Variants in WDR13 observed in about 807,000 individuals in gnomAD.
The protein encoded by WDR13 is WD repeat-containing protein 13.
WDR13 carries 1 observed loss-of-function variant against 28.6 expected under a neutral mutation model. The observed-to-expected ratio is 0.03, with a 90% CI of 0.01 to 0.17. WDR13 has a LOEUF of 0.17. WDR13 is among the 10% of genes least tolerant of loss of function. The pLI is 1.00. For missense variants in WDR13, 264 were observed against 469.3 expected (o/e 0.56, Z 4.04); for synonymous variants, 201 against 185.9 (o/e 1.08, Z -0.66).
chrX:48,599,803 C>T, intron 5 of WDR13, 86 bp downstream of exon 5: 1 of 1,142,883 alleles, frequency 8.7e-7, no homozygotes. Flanking sequence ...GAATCCAAGG[C>T]CCCTGGCACA....
In WDR13 at chrX:48,597,924, C is replaced by T. The variant is rs782413205; in HGVS notation, c.-39-34C>T. 6 of 1,148,087 alleles carry T rather than the reference C, an allele frequency of 5.2e-6. No individual in the cohort carries two copies. In the East Asian group the frequency reaches 1.0e-4, roughly 19 times the overall value. 94.6% of individuals were successfully genotyped at this position (1,148,087 alleles called of 1,213,427 possible). On this transcript the variant is annotated intron_variant, in intron 1 of 9. Coordinates refer to ENST00000376729, the MANE Select transcript of WDR13 (RefSeq NM_001347217.2). ...AGGGACGGAACTAGATCCCTTCGCT[C>T]GGGACGCTCACATTCCAGGCCCTTG...
At chrX:48,599,914 AAG>A (rs2062172225) in intron 5 of WDR13, 197 bp downstream of exon 5, 2 of 568,899 alleles carry the variant, frequency 3.5e-6, no homozygotes, top group East Asian at 3.7e-5. Context: ...TCAGAAGCCT[AAG>A]AGAGAGCCCT....
In WDR13 at chrX:48,597,539, G is replaced by A. The variant is rs1274425927; in HGVS notation, c.-115G>A. On this transcript the variant is annotated 5_prime_UTR_variant, in exon 1 of 10. Coordinates refer to ENST00000376729, the MANE Select transcript of WDR13 (RefSeq NM_001347217.2). ...CTTGCCTGGAGCCTGAGAAAGGGAG[G>A]AGAGACAGAAGGAACCGGCGACAGT... 5 of 123,023 alleles carry A rather than the reference G, an allele frequency of 4.1e-5. No homozygotes were observed. The highest frequency in any genetic ancestry group is 1.6e-4 in the African/African-American group (5 of 31,096). The allele number at this position is 123,023 out of a possible 1,213,427, so 10.1% of individuals were successfully genotyped here.
chrX:48,599,517 C>T, intron 4 of WDR13, 55 bp downstream of exon 4: 1 of 1,207,353 alleles, frequency 8.3e-7, no homozygotes, highest in South Asian at 1.8e-5. Context: ...GAGAGGGGCC[C>T]TGGGGCAATG....
intron 5 of WDR13, 146 bp downstream of exon 5, chrX:48,599,863 C>T: frequency 1.1e-6 from 1 of 909,790 alleles, no homozygotes; most frequent in East Asian, 3.3e-5. Context: ...ACTGAAAATC[C>T]CTCTGCAAAG....
At position 48,607,428 on chromosome X, in the gene WDR13, CA is replaced by C; in HGVS notation, c.*2397del. On this transcript the variant is annotated 3_prime_UTR_variant, in exon 10 of 10. Coordinates refer to ENST00000376729, the MANE Select transcript of WDR13 (RefSeq NM_001347217.2). The stretch of plus-strand genomic sequence containing the variant: ...TGACGCCCAGGCTGGAATGCAGTGG[CA>C]TGATCTTGGCTCACTGCAGCCTCCA... 2.4e-5 allele frequency: 2 copies of C among 83,329 alleles called. No homozygotes were observed. Among genetic ancestry groups the C allele is most frequent in the African/African-American group, 9.0e-5 (2 of 22,181 alleles). 6.9% of individuals were successfully genotyped at this position (83,329 alleles called of 1,213,427 possible). A position where few individuals can be genotyped will look rare whatever the true frequency, so the allele number is the denominator to read the frequency against.
rs377656804 is a variant in WDR13, at chrX:48,599,665, C to T, written c.471C>T (p.Asn157=). Residue 157 remains asparagine (N), a synonymous_variant, in exon 5 of 10, where the codon AAC becomes AAT. Transcript: ENST00000376729. ...AMAGDTSLSE[N]YAFAGMYHVF... is the part of the protein sequence containing the mutation. Reference sequence around the variant, plus strand: ...CCGGGGACACGTCACTGAGCGAGAACTATGCCTTTGCGGGCATGTATCATG... The same window carrying T: ...CCGGGGACACGTCACTGAGCGAGAATTATGCCTTTGCGGGCATGTATCATG... 68 of 1,211,820 alleles carry T rather than the reference C, an allele frequency of 5.6e-5. No individual in the cohort carries two copies. The highest frequency in any genetic ancestry group is 7.5e-5 in the Non-Finnish European group (67 of 895,595).
In WDR13 at chrX:48,601,043, C is replaced by G. The variant is rs141738766; in HGVS notation, c.831+417C>G. 9.5e-3 allele frequency among the ~76,000 whole-genome samples: 1,051 copies of G among 111,019 alleles called. 5 individuals carry two copies. The highest frequency in any genetic ancestry group is 0.015 in the Non-Finnish European group (811 of 52,799). On this transcript the variant is annotated intron_variant, in intron 6 of 9. Transcript: ENST00000376729. ...CTGGGAGGTGGAGCTTGCAGTGAGC[C>G]GAGATGGCACCACTGGGCGACAGAG...
rs374486465 is a variant in WDR13, at chrX:48,605,081, G to A, written c.*49G>A. Reference sequence around the variant, plus strand: ...CCTCCATCCCACCCCTCTTACTCCAGCCTCGTGTTGTAAATAAAGTTTCGG... The same window carrying A: ...CCTCCATCCCACCCCTCTTACTCCAACCTCGTGTTGTAAATAAAGTTTCGG... On this transcript the variant is annotated 3_prime_UTR_variant, in exon 10 of 10. Transcript: ENST00000376729. 2.6e-6 allele frequency: 3 copies of A among 1,152,618 alleles called. No individual in the cohort carries two copies. The highest frequency in any genetic ancestry group is 1.8e-5 in the African/African-American group (1 of 55,811). The allele number at this position is 1,152,618 out of a possible 1,213,427, so 95.0% of individuals were successfully genotyped here.
Position 48,605,499 on chromosome X carries a change from C to T in WDR13, c.*467C>T, listed in dbSNP as rs1263576997. 1.7e-5 allele frequency: 2 copies of T among 116,238 alleles called. No homozygotes were observed. The highest frequency in any genetic ancestry group is 5.2e-4 in the East Asian group (2 of 3,851). 9.6% of individuals were successfully genotyped at this position (116,238 alleles called of 1,213,427 possible). A position where few individuals can be genotyped will look rare whatever the true frequency, so the allele number is the denominator to read the frequency against. On this transcript the variant is annotated 3_prime_UTR_variant, in exon 10 of 10. Transcript: ENST00000376729. ...AAGAAAATAAAGCAAGGATGGGAGA[C>T]AGAGCTGCAGAAGTTGGGGGAGTGG...
intron 6 of WDR13, 90 bp downstream of exon 6, chrX:48,600,716 A>AG (rs370013333): frequency 1.2e-5 from 13 of 1,055,699 alleles, no homozygotes; most frequent in Admixed American, 5.4e-5. Context: ...AGGGACAGCC[A>AG]GGGGGGGCCT....
intron 6 of WDR13, 142 bp downstream of exon 6, chrX:48,600,768 T>C (rs2062179625): frequency 1.5e-6 from 1 of 687,963 alleles, no homozygotes; most frequent in Non-Finnish European, 2.0e-6. Flanking sequence ...AGAGCAGTCC[T>C]AGTGTGGTCA....
chrX:48,603,690 G>A (rs1298413702), intron 8 of WDR13, among the ~76,000 whole-genome samples: 2 of 109,536 alleles, frequency 1.8e-5, no homozygotes, highest in Admixed American at 9.8e-5. Flanking sequence ...CCTACATTTC[G>A]AGTTTCTCAC....
chrX:48,599,136 T>G, intron 3 of WDR13, 179 bp downstream of exon 3: 2 of 751,627 alleles, frequency 2.7e-6, no homozygotes, highest in South Asian at 2.9e-5. Context: ...AGTAAACATA[T>G]AGCAAGCCCT....
intron 2 of WDR13, chrX:48,598,271 CT>C: frequency 1.9e-6 from 2 of 1,076,744 alleles, no homozygotes; most frequent in Non-Finnish European, 2.4e-6. Context: ...AAGCGGCTAC[CT>C]GTGAGAGGGA....
At chrX:48,600,110 C>T (rs961106510) in intron 5 of WDR13, 13 of 435,555 alleles carry the variant, frequency 3.0e-5, no homozygotes, top group Admixed American at 9.2e-5. Flanking sequence ...CTTTTGCAAT[C>T]TGCAAAGGAG....
At position 48,608,391 on chromosome X, in the gene WDR13, C is replaced by G. The variant is rs781990932; in HGVS notation, c.*3359C>G. The G allele has an allele frequency of 1.8e-5, 2 of 111,844 alleles. No individual in the cohort carries two copies. Among genetic ancestry groups the G allele is most frequent in the African/African-American group, 6.5e-5 (2 of 30,782 alleles). 9.2% of individuals were successfully genotyped at this position (111,844 alleles called of 1,213,427 possible). A position where few individuals can be genotyped will look rare whatever the true frequency, so the allele number is the denominator to read the frequency against. Reference sequence around the variant, plus strand: ...TTGGCCTACCAAAGTGCTGGCGTTACAGGTGTGAGCCACCACACCCGGCCC... The same window carrying G: ...TTGGCCTACCAAAGTGCTGGCGTTAGAGGTGTGAGCCACCACACCCGGCCC... On this transcript the variant is annotated 3_prime_UTR_variant, in exon 10 of 10. Coordinates refer to ENST00000376729, the MANE Select transcript of WDR13 (RefSeq NM_001347217.2).
rs868962458 is a variant in WDR13, at chrX:48,600,331, G to A, written c.536G>A (p.Arg179His). 7.5e-6 allele frequency: 9 copies of A among 1,195,421 alleles called. No individual in the cohort carries two copies. Among genetic ancestry groups the A allele is most frequent in the African/African-American group, 1.7e-5 (1 of 57,486 alleles). The change falls in exon 6 of 10, where the codon CGC becomes CAC. Residue 179 changes from arginine to histidine, a missense_variant. Coordinates refer to ENST00000376729, the MANE Select transcript of WDR13 (RefSeq NM_001347217.2). ...QHVDEAVPRV[R>H]FANDDRHRLA... ...CTTGGCATTGCAGTCCCAAGGGTGC[G>A]CTTCGCCAATGATGACCGACACCGC...
At position 48,604,342 on chromosome X, in the gene WDR13, C is replaced by T. The variant is rs1326275689; in HGVS notation, c.1225C>T (p.Arg409Cys). ...CATCGAGCAGAGCTCACATCCTGTG[C>T]GCAGCATCTTCTGTCCCCTCATGTC... ...FPIEQSSHPV[R>C]SIFCPLMSFR... Residue 409 changes from arginine (R) to cysteine (C), a missense_variant, in exon 9 of 10, where the codon CGC becomes TGC. Around this residue, in one of 4 missense-constraint regions of WDR13, gnomAD observed 157 missense variants for 270.2 expected, o/e 0.58. Transcript: ENST00000376729. 12 of 1,209,358 alleles carry T rather than the reference C, an allele frequency of 9.9e-6. No individual in the cohort carries two copies. The highest frequency in any genetic ancestry group is 3.5e-5 in the African/African-American group (2 of 57,321).
Sources: gnomAD v4.1 joint callset for allele counts (sites outside exome capture counted in the v4.1 genomes callset) on GRCh38, gnomAD v4.1.1 for gene constraint, gnomAD v4.1.1 regional missense constraint, MANE v1.5 for transcripts, NCBI Gene and HGNC (gene_info 2026-07-23, HGNC 2026-07-21) for gene names.